Variants in COG5 observed in about 807,000 individuals in gnomAD.
COG5 encodes component of oligomeric golgi complex 5.
A neutral mutation model predicts 110.4 loss-of-function variants in COG5; 86 were observed. The observed-to-expected ratio is 0.78, with a 90% CI of 0.65 to 0.93. The LOEUF is 0.93. Among genes scored for constraint, COG5 ranks in the 40% least tolerant of loss-of-function variants. The probability of loss-of-function intolerance (pLI) is 0.00; values close to 1 mark genes in which losing one functional copy is unlikely to be tolerated. For missense variants in COG5, 1,077 were observed against 987.0 expected (o/e 1.09, Z -1.22); for synonymous variants, 360 against 334.6 (o/e 1.08, Z -0.83).
intron 6 of COG5, among the ~76,000 whole-genome samples, chr7:107,524,572 A>C (rs922540719): frequency 1.3e-5 from 2 of 152,170 alleles, no homozygotes; most frequent in Admixed American, 1.3e-4. Flanking sequence ...GTGACTGCAA[A>C]ATTATTACTT....
At chr7:107,502,847 C>A (rs1231557838) in intron 6 of COG5, among the ~76,000 whole-genome samples, 2 of 152,122 alleles carry the variant, frequency 1.3e-5, no homozygotes, top group Non-Finnish European at 2.9e-5. Context: ...CATTTGCCCA[C>A]TTTTTGGTGG....
rs141581564 is a variant in COG5 at position 107,558,094 on chromosome 7, T to C, written c.116A>G (p.Asn39Ser). The change falls in exon 2 of 22, where the codon AAC becomes AGC. Residue 39 changes from asparagine (N) to serine (S), a missense_variant. Coordinates refer to ENST00000297135, the MANE Select transcript of COG5 (RefSeq NM_006348.5). ...ATAAGTCTTTACATCAAAGTCTTCGTTTAAAAAGTCACTATAACACCCTGG... is the reference window on the plus strand; with the variant it reads ...ATAAGTCTTTACATCAAAGTCTTCGCTTAAAAAGTCACTATAACACCCTGG... ...LQDGCYSDFL[N>S]EDFDVKTYTS... 7.4e-6 allele frequency: 12 copies of C among 1,613,778 alleles called. No individual in the cohort carries two copies. The highest frequency in any genetic ancestry group is 1.3e-5 in the African/African-American group (1 of 74,900).
chr7:107,251,917 G>A (rs1171393750), intron 16 of COG5, among the ~76,000 whole-genome samples: 1 of 151,938 alleles, frequency 6.6e-6, no homozygotes, highest in Non-Finnish European at 1.5e-5. Context: ...AACTAGTAAA[G>A]TTAAAAGCTG....
At chr7:107,492,677 C>G (rs938737804) in intron 6 of COG5, among the ~76,000 whole-genome samples, 4 of 152,134 alleles carry the variant, frequency 2.6e-5, no homozygotes, top group Non-Finnish European at 4.4e-5. Context: ...AAATCAAGTA[C>G]TTCTCATGCT....
chr7:107,526,013 T>C (rs1800705010), intron 6 of COG5, among the ~76,000 whole-genome samples: 1 of 152,236 alleles, frequency 6.6e-6, no homozygotes. Context: ...TGAAGCATTA[T>C]TTGTGAAGGA....
chr7:107,385,988 TTGTGTG>T (rs59992824), intron 7 of COG5, among the ~76,000 whole-genome samples: 21,952 of 144,330 alleles, frequency 0.15, 1,792 homozygotes, highest in Non-Finnish European at 0.19. Flanking sequence ...AAACCAGGTT[TTGTGTG>T]TGTGTGTGTG....
intron 11 of COG5, among the ~76,000 whole-genome samples, chr7:107,307,334 T>C (rs1439270490): frequency 6.6e-6 from 1 of 152,192 alleles, no homozygotes; most frequent in Non-Finnish European, 1.5e-5. Context: ...CTTCTCTAAA[T>C]TTTTCTTTAT....
At chr7:107,212,075 C>T (rs944616116) in intron 19 of COG5, among the ~76,000 whole-genome samples, 1 of 152,082 alleles carries the variant, frequency 6.6e-6, no homozygotes, top group Non-Finnish European at 1.5e-5. Flanking sequence ...AAGGCCTGTA[C>T]AAAATAGAGA....
intron 10 of COG5, 32 bp from the exon 11 acceptor site, chr7:107,324,553 TA>T: frequency 7.7e-7 from 1 of 1,290,724 alleles, no homozygotes; most frequent in Non-Finnish European, 1.1e-6. Context: ...TTTTTAAAAA[TA>T]AAAAAATGCA....
At chr7:107,254,945 T>G (rs1205803573) in intron 16 of COG5, among the ~76,000 whole-genome samples, 2 of 152,096 alleles carry the variant, frequency 1.3e-5, no homozygotes, top group African/African-American at 2.4e-5. Context: ...GCATAGAAAA[T>G]ATTAGAATGC....
At chr7:107,236,743 A>T in intron 17 of COG5, 56 bp from the exon 18 acceptor site, 1 of 1,113,290 alleles carries the variant, frequency 9.0e-7, no homozygotes. Flanking sequence ...ACACTCTTTG[A>T]TTTTGTACCC....
intron 6 of COG5, among the ~76,000 whole-genome samples, chr7:107,522,441 C>A (rs1800406032): frequency 6.6e-6 from 1 of 152,174 alleles, no homozygotes; most frequent in South Asian, 2.1e-4. Flanking sequence ...GCACTCCAGC[C>A]TGTGCAACGA....
chr7:107,243,384 G>C (rs1378580689), intron 17 of COG5, among the ~76,000 whole-genome samples: 10 of 151,820 alleles, frequency 6.6e-5, no homozygotes, highest in Non-Finnish European at 1.5e-4. Context: ...GCGGTGGCGG[G>C]TGCCTGTAGT....
intron 10 of COG5, among the ~76,000 whole-genome samples, chr7:107,332,283 G>T (rs1172762893): frequency 6.6e-6 from 1 of 152,182 alleles, no homozygotes. Flanking sequence ...ACAATGTTGA[G>T]GGTGGGCCAC....
intron 6 of COG5, among the ~76,000 whole-genome samples, chr7:107,424,168 G>A (rs1053958080): frequency 6.6e-6 from 1 of 152,030 alleles, no homozygotes; most frequent in African/African-American, 2.4e-5. Context: ...AGCTACTCGG[G>A]AGGCTGAGGC....
chr7:107,320,176 C>T (rs1809134430), intron 11 of COG5, among the ~76,000 whole-genome samples: 1 of 152,024 alleles, frequency 6.6e-6, no homozygotes, highest in South Asian at 2.1e-4. Flanking sequence ...AAATTGGTGA[C>T]TCTGTGAAGT....
intron 11 of COG5, among the ~76,000 whole-genome samples, chr7:107,319,057 A>G (rs1584671421): frequency 6.7e-6 from 1 of 149,350 alleles, no homozygotes; most frequent in Non-Finnish European, 1.5e-5. Context: ...TTGGTCCTTC[A>G]TTCTGAATTA....
chr7:107,359,471 T>G (rs1812908612), intron 10 of COG5, among the ~76,000 whole-genome samples: 1 of 152,064 alleles, frequency 6.6e-6, no homozygotes, highest in Admixed American at 6.5e-5. Flanking sequence ...AGGTTGATGG[T>G]GGCAGGAGGC....
At chr7:107,240,343 G>A (rs1454993398) in intron 17 of COG5, among the ~76,000 whole-genome samples, 1 of 152,102 alleles carries the variant, frequency 6.6e-6, no homozygotes, top group Non-Finnish European at 1.5e-5. Flanking sequence ...AGCCTCCCCA[G>A]TAGCTTGGAT....
Sources: gnomAD v4.1 joint callset for allele counts (sites outside exome capture counted in the v4.1 genomes callset) on GRCh38, gnomAD v4.1.1 for gene constraint, MANE v1.5 for transcripts, NCBI Gene and HGNC (gene_info 2026-07-23, HGNC 2026-07-21) for gene names.